The following APAF1 variants were observed in gnomAD, a reference collection of about 807,000 sequenced individuals.
APAF1 encodes apoptotic peptidase activating factor 1, also known as apoptotic protease-activating factor 1.
A neutral mutation model predicts 152.4 loss-of-function variants in APAF1; 91 were observed. The observed-to-expected ratio is 0.60, with a 90% confidence interval of 0.50 to 0.71. The LOEUF (loss-of-function observed/expected upper bound fraction) is 0.71. Ranked by LOEUF, APAF1 falls within the 30% of genes least tolerant of loss-of-function variation. The probability of loss-of-function intolerance (pLI) is 0.00; values close to 1 mark genes in which losing one functional copy is unlikely to be tolerated. For synonymous variants in APAF1, 484 were observed against 494.1 expected, an observed-to-expected ratio of 0.98 and a Z score of 0.27; for missense variants, 1,283 against 1,472.0, an observed-to-expected ratio of 0.87 and a Z score of 2.10.
intron 16 of APAF1, among the ~76,000 whole-genome samples, chr12:98,689,157 T>G (rs1324826787): frequency 2.6e-5 from 4 of 152,140 alleles, no homozygotes; most frequent in African/African-American, 7.2e-5. Context: ...GTATAAACTG[T>G]AGGAAACGCA....
chr12:98,725,365 CTTATT>C lies in APAF1; in HGVS notation c.3331-47_3331-43del, dbSNP rs755627260. Reference sequence around the variant, plus strand: ...GGCTGAATAGCAATCAAGGCAGATGCTTATTTTGAGTGTTTATAGCATTGCTAAAC... The same window carrying C: ...GGCTGAATAGCAATCAAGGCAGATGCTTGAGTGTTTATAGCATTGCTAAAC... On this transcript the variant is annotated intron_variant, in intron 24 of 26. Coordinates refer to ENST00000551964, the MANE Select transcript of APAF1 (RefSeq NM_181861.2). The C allele has an allele frequency of 8.7e-6, 14 of 1,611,838 alleles. No homozygotes were observed. The Admixed American group carries it at 1.5e-4, about 17-fold the overall frequency.
chr12:98,647,379 G>GT (rs576318298), intron 1 of APAF1, among the ~76,000 whole-genome samples: 4,060 of 146,846 alleles, frequency 0.028, 156 homozygotes, highest in African/African-American at 0.088. Flanking sequence ...ACCAACACTT[G>GT]TTTTTTTTTT....
rs111555994 is a variant in APAF1, at chr12:98,717,036, T to C, written c.3084+1484T>C. On this transcript the variant is annotated intron_variant, in intron 22 of 26. Transcript: ENST00000551964. ...GTATGCCACCATGCCAAGCTAATTT[T>C]TTGTATTTTTTTTAGTAGAGATGAG... 6.7e-3 allele frequency among the ~76,000 whole-genome samples: 1,023 copies of C among 151,890 alleles called. 11 individuals are homozygous for C. Among genetic ancestry groups the C allele is most frequent in the African/African-American group, 0.023 (964 of 41,402 alleles).
intron 17 of APAF1, among the ~76,000 whole-genome samples, chr12:98,702,946 T>C (rs755193271): frequency 5.1e-4 from 77 of 152,188 alleles, no homozygotes; most frequent in Non-Finnish European, 9.6e-4. Flanking sequence ...TTGGTAGTTC[T>C]AGAGAGAAAT....
intron 13 of APAF1, among the ~76,000 whole-genome samples, chr12:98,678,414 C>T (rs2097688763): frequency 6.6e-6 from 1 of 152,218 alleles, no homozygotes; most frequent in Non-Finnish European, 1.5e-5. Flanking sequence ...AACCCTACCC[C>T]TTCTGAATTG....
intron 10 of APAF1, among the ~76,000 whole-genome samples, chr12:98,670,219 C>T (rs1239623330): frequency 2.0e-5 from 3 of 152,174 alleles, no homozygotes; most frequent in Non-Finnish European, 4.4e-5. Context: ...GCTGGGATTA[C>T]AGGTGTGAGC....
chr12:98,723,587 T>C, intron 23 of APAF1, 52 bp from the exon 24 acceptor site: 1 of 1,489,520 alleles, frequency 6.7e-7, no homozygotes, highest in Non-Finnish European at 9.2e-7. Context: ...CTTTTTAATA[T>C]AAAATGTTCT....
chr12:98,680,004 A>G (rs1357769585), intron 13 of APAF1, among the ~76,000 whole-genome samples: 1 of 152,208 alleles, frequency 6.6e-6, no homozygotes, highest in Non-Finnish European at 1.5e-5. Flanking sequence ...CAAAGGCGCC[A>G]CCGGCCACAG....
At chr12:98,723,069 C>T (rs2097745278) in intron 22 of APAF1, 124 bp from the exon 23 acceptor site, 2 of 990,764 alleles carry the variant, frequency 2.0e-6, no homozygotes, top group African/African-American at 1.6e-5. Context: ...TCTTATTCCT[C>T]TCTGTTTTAC....
chr12:98,723,217 T>G lies in APAF1; in HGVS notation c.3109T>G (p.Cys1037Gly). ...GGTATGGAATTGGCAATTGGACAAA[T>G]GTATCTTTCTACGAGGCCATCAGGA... ...IQVWNWQLDK[C>G]IFLRGHQETV... The change falls in exon 23 of 27, where the codon TGT becomes GGT. Residue 1037 changes from cysteine (C) to glycine (G), a missense_variant. Coordinates refer to ENST00000551964, the MANE Select transcript of APAF1 (RefSeq NM_181861.2). 1 of 1,613,666 alleles carries G rather than the reference T, an allele frequency of 6.2e-7. No homozygotes were observed. The highest frequency in any genetic ancestry group is 1.1e-5 in the South Asian group (1 of 91,072).
intron 20 of APAF1, among the ~76,000 whole-genome samples, chr12:98,709,659 G>A (rs921283630): frequency 1.3e-5 from 2 of 152,172 alleles, no homozygotes; most frequent in African/African-American, 4.8e-5. Context: ...GAACAGCAGA[G>A]TATGGACCAT....
At chr12:98,671,769 A>C in intron 12 of APAF1, 50 bp downstream of exon 12, 6 of 1,560,618 alleles carry the variant, frequency 3.8e-6, no homozygotes, top group South Asian at 1.1e-5. Flanking sequence ...TAACTATATC[A>C]TTATTTTTCA....
At chr12:98,727,969 T>A (rs1054833585) in intron 26 of APAF1, among the ~76,000 whole-genome samples, 16 of 140,620 alleles carry the variant, frequency 1.1e-4, no homozygotes, top group African/African-American at 4.2e-4. Flanking sequence ...AATAAATAAA[T>A]TAATTAATTA....
intron 17 of APAF1, among the ~76,000 whole-genome samples, chr12:98,702,841 CAA>C (rs201068873): frequency 3.7e-4 from 30 of 81,118 alleles, no homozygotes; most frequent in African/African-American, 3.8e-4. Flanking sequence ...AAGTCTGTCT[CAA>C]AAAAAAAAAA....
At chr12:98,707,187 T>C (rs2097722280) in intron 19 of APAF1, among the ~76,000 whole-genome samples, 1 of 152,208 alleles carries the variant, frequency 6.6e-6, no homozygotes, top group Non-Finnish European at 1.5e-5. Context: ...TACTTCTGTT[T>C]CTGCCATTAA....
chr12:98,676,688 C>T (rs1176254374), intron 12 of APAF1, among the ~76,000 whole-genome samples: 2 of 150,940 alleles, frequency 1.3e-5, no homozygotes, highest in East Asian at 1.9e-4. Context: ...GCTCTGTCGC[C>T]CAGGCTGGAG....
At chr12:98,653,719 T>TAG (rs1555213974) in intron 4 of APAF1, among the ~76,000 whole-genome samples, 1,263 of 108,004 alleles carry the variant, frequency 0.012, 67 homozygotes, top group African/African-American at 0.027. Context: ...TATATATATA[T>TAG]ATATAGTTTT....
Position 98,671,523 on chromosome 12 carries a change from G to A in APAF1, c.1609-12G>A. 1 of 1,612,982 alleles carries A rather than the reference G, an allele frequency of 6.2e-7. No individual in the cohort carries two copies. The highest frequency in any genetic ancestry group is 8.5e-7 in the Non-Finnish European group (1 of 1,178,978). On this transcript the variant is annotated splice_polypyrimidine_tract_variant and intron_variant, in intron 11 of 26. Transcript: ENST00000551964. The stretch of plus-strand genomic sequence containing the variant: ...CTGATTGTGTTTCTAAGAGATTTCA[G>A]TTTATTTGTAGGATTGTGCAGTCAG...
chr12:98,706,312 T>C (rs1490088571), intron 18 of APAF1, among the ~76,000 whole-genome samples, 173 bp from the exon 19 acceptor site: 1 of 152,204 alleles, frequency 6.6e-6, no homozygotes, highest in African/African-American at 2.4e-5. Flanking sequence ...CTATAAAAAA[T>C]AATGATGCAC....
Sources: allele counts gnomAD v4.1 joint callset (sites outside exome capture counted in the v4.1 genomes callset), GRCh38; gene constraint gnomAD v4.1.1; transcripts MANE v1.5; gene names NCBI Gene and HGNC (gene_info 2026-07-23, HGNC 2026-07-21).